The following ARHGEF10 variants were observed in gnomAD, a reference collection of about 807,000 sequenced individuals.
ARHGEF10 encodes the protein Rho guanine nucleotide exchange factor 10.
Under a neutral mutation model 147.4 loss-of-function variants are expected in ARHGEF10, and 140 were observed. The observed-to-expected ratio is 0.95, with a 90% CI of 0.83 to 1.09. The LOEUF (loss-of-function observed/expected upper bound fraction) is 1.09, where lower values mean the gene tolerates loss of function less well. ARHGEF10 is among the 50% of genes least tolerant of loss of function. The probability of loss-of-function intolerance (pLI) is 0.00; values close to 1 mark genes in which losing one functional copy is unlikely to be tolerated. For missense variants in ARHGEF10, 2,222 were observed against 1,752.7 expected (o/e 1.27, Z -4.78); for synonymous variants, 902 against 695.8 (o/e 1.30, Z -4.67).
At chr8:1,868,457 G>A (rs1368546223) in intron 6 of ARHGEF10, among the ~76,000 whole-genome samples, 7 of 152,224 alleles carry the variant, frequency 4.6e-5, no homozygotes, top group Admixed American at 4.6e-4. Context: ...CATGTGAAGC[G>A]TGTAACTCTT....
chr8:1,936,342 C>G (rs1275503266), intron 26 of ARHGEF10, among the ~76,000 whole-genome samples: 1 of 152,128 alleles, frequency 6.6e-6, no homozygotes, highest in African/African-American at 2.4e-5. Flanking sequence ...TGGCAAAACC[C>G]CATCTCTACA....
intron 1 of ARHGEF10, among the ~76,000 whole-genome samples, chr8:1,832,563 CAG>C (rs1262191980): frequency 2.7e-5 from 3 of 111,048 alleles, no homozygotes; most frequent in Non-Finnish European, 5.5e-5. Flanking sequence ...CAGAGAGAGA[CAG>C]AGGCAGAGAC....
chr8:1,904,447 G>A (rs889975039), intron 16 of ARHGEF10: 1 of 152,264 alleles, frequency 6.6e-6, no homozygotes, highest in African/African-American at 2.4e-5. Context: ...GTAACTGTGC[G>A]AACTTTATGG....
At chr8:1,920,865 ACCT>A (rs141154544) in intron 18 of ARHGEF10, among the ~76,000 whole-genome samples, 25,736 of 151,596 alleles carry the variant, frequency 0.17, 3,021 homozygotes, top group African/African-American at 0.33. Context: ...GCTCACCATG[ACCT>A]CCTCCGCCTT....
chr8:1,927,406 A>G (rs1209898744), intron 23 of ARHGEF10: 1 of 152,194 alleles, frequency 6.6e-6, no homozygotes, highest in African/African-American at 2.4e-5. Context: ...GTTTAACAAC[A>G]TTCTCAAAGT....
intron 27 of ARHGEF10, chr8:1,945,862 C>T: frequency 1.2e-6 from 1 of 862,354 alleles, no homozygotes; most frequent in South Asian, 1.6e-5. Flanking sequence ...CGGTGCAGGG[C>T]ACAGGTCCTG....
At chr8:1,883,489 C>T (rs1266941337) in intron 10 of ARHGEF10, among the ~76,000 whole-genome samples, 1 of 152,088 alleles carries the variant, frequency 6.6e-6, no homozygotes, top group Non-Finnish European at 1.5e-5. Flanking sequence ...AATATCTGTA[C>T]TTGGAAGGGA....
chr8:1,849,644 C>T (rs1280093341), intron 2 of ARHGEF10, among the ~76,000 whole-genome samples: 5 of 109,976 alleles, frequency 4.5e-5, no homozygotes, highest in East Asian at 2.8e-4. Flanking sequence ...TGGACACAGA[C>T]GGCAAATGCT....
chr8:1,891,269 T>C (rs1809502273), intron 11 of ARHGEF10, among the ~76,000 whole-genome samples: 1 of 152,188 alleles, frequency 6.6e-6, no homozygotes, highest in African/African-American at 2.4e-5. Context: ...GCCAAATGTG[T>C]TGTCCATGAG....
At chr8:1,947,988 C>T (rs1055030779) in intron 27 of ARHGEF10, among the ~76,000 whole-genome samples, 1 of 152,006 alleles carries the variant, frequency 6.6e-6, no homozygotes, top group African/African-American at 2.4e-5. Flanking sequence ...CTGCTCAGGT[C>T]GCAGGTTCTG....
At chr8:1,837,178 G>A (rs185171515) in intron 1 of ARHGEF10, among the ~76,000 whole-genome samples, 83 of 152,364 alleles carry the variant, frequency 5.4e-4, no homozygotes, top group Admixed American at 1.7e-3. Context: ...TCAGGATGCC[G>A]GTGGTAGGGC....
At chr8:1,900,694 G>A (rs7013741) in intron 15 of ARHGEF10, among the ~76,000 whole-genome samples, 34,015 of 152,146 alleles carry the variant, frequency 0.22, 4,643 homozygotes, top group African/African-American at 0.36. Flanking sequence ...TCTGAGGAAG[G>A]ACATTCTTAA....
chr8:1,828,362 G>T (rs1802890902), intron 1 of ARHGEF10, among the ~76,000 whole-genome samples: 1 of 151,814 alleles, frequency 6.6e-6, no homozygotes, highest in African/African-American at 2.4e-5. Context: ...ACACTTAACG[G>T]TTTTAAGGAA....
In ARHGEF10 at chr8:1,909,430, C is replaced by A. The variant is rs2294040; in HGVS notation, c.2103C>A (p.His701Gln). ...AGCACAGCAGGCACCTTGCCGTTCA[C>A]CCGCCGGAGAGCCTGGCCGTGGTTG... ...TGEHSRHLAV[H>Q]PPESLAVVAN... The change falls in exon 18 of 29, where the codon CAC (histidine) becomes CAA (glutamine). Residue 701 changes from histidine to glutamine, a missense_variant. Transcript: ENST00000349830. The A allele has an allele frequency of 6.2e-7, 1 of 1,614,128 alleles. No homozygotes were observed. Among genetic ancestry groups the A allele is most frequent in the Admixed American group, 1.7e-5 (1 of 60,022 alleles).
chr8:1,886,289 C>T (rs985450492), intron 11 of ARHGEF10, among the ~76,000 whole-genome samples: 7 of 152,144 alleles, frequency 4.6e-5, no homozygotes, highest in Admixed American at 2.6e-4. Context: ...GGGGCTGATA[C>T]TTTGGGATGA....
intron 16 of ARHGEF10, chr8:1,904,235 C>G (rs979298272): frequency 2.6e-5 from 4 of 152,246 alleles, no homozygotes; most frequent in Non-Finnish European, 4.4e-5. Flanking sequence ...GCTTACATAA[C>G]TACTTGTCTG....
At chr8:1,860,223 G>A (rs966988431) in intron 4 of ARHGEF10, 39 bp downstream of exon 4, 2 of 1,596,278 alleles carry the variant, frequency 1.3e-6, no homozygotes, top group African/African-American at 2.7e-5. Context: ...GAAGTGGCCT[G>A]TGGTTCCCTC....
intron 18 of ARHGEF10, among the ~76,000 whole-genome samples, chr8:1,917,600 C>A (rs558067148): frequency 6.6e-6 from 1 of 152,140 alleles, no homozygotes; most frequent in Non-Finnish European, 1.5e-5. Context: ...ACAAGAGAAG[C>A]GTCCGTGAGA....
intron 17 of ARHGEF10, among the ~76,000 whole-genome samples, chr8:1,908,983 A>G (rs1364548943): frequency 6.6e-6 from 1 of 152,188 alleles, no homozygotes; most frequent in Non-Finnish European, 1.5e-5. Flanking sequence ...GTAATCGAGC[A>G]CCTTTGCTCA....
Sources: allele counts gnomAD v4.1 joint callset (sites outside exome capture counted in the v4.1 genomes callset), GRCh38; gene constraint gnomAD v4.1.1; transcripts MANE v1.5; gene names NCBI Gene and HGNC (gene_info 2026-07-23, HGNC 2026-07-21).